SLX4IP: variants seen among roughly 807,000 people sequenced by gnomAD.
SLX4IP encodes the protein SLX4 interacting protein.
SLX4IP carries 34 observed loss-of-function variants against 32.9 expected under a neutral mutation model. The ratio of observed to expected loss-of-function variants is 1.03; its 90% CI spans 0.79 to 1.38. The LOEUF is 1.38. SLX4IP is among the 40% of genes most tolerant of loss of function. The pLI is 0.00. For missense variants in SLX4IP, 444 were observed against 479.0 expected, an observed-to-expected ratio of 0.93 and a Z score of 0.68; for synonymous variants, 172 against 171.7, an observed-to-expected ratio of 1.00 and a Z score of -0.01.
At chr20:10,460,956 G>A (rs769628820) in intron 2 of SLX4IP, among the ~76,000 whole-genome samples, 14 of 151,948 alleles carry the variant, frequency 9.2e-5, no homozygotes, top group Non-Finnish European at 1.5e-5. Context: ...TTCTGGCTTG[G>A]GATAAAATGT....
At chr20:10,438,517 A>T (rs2065134947) in intron 1 of SLX4IP, among the ~76,000 whole-genome samples, 1 of 123,850 alleles carries the variant, frequency 8.1e-6, no homozygotes, top group Non-Finnish European at 1.6e-5. Flanking sequence ...TCCCTCTGTC[A>T]CCTGGACTAG....
At chr20:10,442,603 C>T (rs1310177709) in intron 1 of SLX4IP, among the ~76,000 whole-genome samples, 1 of 152,128 alleles carries the variant, frequency 6.6e-6, no homozygotes, top group East Asian at 1.9e-4. Flanking sequence ...TTGGGTTGTC[C>T]TACACTTCTT....
intron 1 of SLX4IP, among the ~76,000 whole-genome samples, chr20:10,451,663 A>G (rs1600884552): frequency 6.6e-6 from 1 of 152,080 alleles, no homozygotes; most frequent in Non-Finnish European, 1.5e-5. Context: ...CATGTTGGCT[A>G]TATCAGGTTA....
At chr20:10,538,953 G>C (rs1340299313) in intron 2 of SLX4IP, among the ~76,000 whole-genome samples, 1 of 152,220 alleles carries the variant, frequency 6.6e-6, no homozygotes, top group Non-Finnish European at 1.5e-5. Context: ...TGGGGAATAA[G>C]TTTCCTGTTG....
intron 2 of SLX4IP, among the ~76,000 whole-genome samples, chr20:10,540,155 C>A (rs2066090586): frequency 6.7e-6 from 1 of 149,238 alleles, no homozygotes; most frequent in Non-Finnish European, 1.5e-5. Flanking sequence ...TTCCTTCCTT[C>A]CTTCTCTCCT....
At chr20:10,458,312 G>A in intron 2 of SLX4IP, 81 bp downstream of exon 2, 1 of 1,380,338 alleles carries the variant, frequency 7.2e-7, no homozygotes, top group South Asian at 1.4e-5. Flanking sequence ...TGAAAATCGA[G>A]GTTCCTAACT....
chr20:10,529,539 C>T (rs1464380226), intron 2 of SLX4IP, among the ~76,000 whole-genome samples: 1 of 126,406 alleles, frequency 7.9e-6, no homozygotes, highest in African/African-American at 3.0e-5. Flanking sequence ...TGCAGTGAGC[C>T]GATATTGTAC....
At chr20:10,492,142 C>T (rs684905) in intron 2 of SLX4IP, among the ~76,000 whole-genome samples, 59,439 of 151,948 alleles carry the variant, frequency 0.39, 11,851 homozygotes, top group Non-Finnish European at 0.43. Context: ...TTTAAGTTTT[C>T]CCTAATTTTG....
At chr20:10,436,065 T>G (rs976615895) in intron 1 of SLX4IP, among the ~76,000 whole-genome samples, 3 of 152,188 alleles carry the variant, frequency 2.0e-5, no homozygotes, top group Non-Finnish European at 4.4e-5. Context: ...GTTTTTAATT[T>G]TTTTGGCCGG....
intron 5 of SLX4IP, 138 bp downstream of exon 5, chr20:10,598,890 G>A (rs569735691): frequency 3.4e-5 from 28 of 816,842 alleles, no homozygotes; most frequent in African/African-American, 1.0e-4. Flanking sequence ...GAAAGTTTGC[G>A]ATTTCTTTCC....
intron 2 of SLX4IP, among the ~76,000 whole-genome samples, chr20:10,538,471 C>A (rs188135436): frequency 6.6e-6 from 1 of 152,148 alleles, no homozygotes; most frequent in African/African-American, 2.4e-5. Flanking sequence ...AGCAAAATCA[C>A]CTCTTGATTA....
chr20:10,576,187 A>G (rs933696526), intron 4 of SLX4IP, among the ~76,000 whole-genome samples: 5 of 152,230 alleles, frequency 3.3e-5, no homozygotes, highest in African/African-American at 9.6e-5. Context: ...TCAGTTGTTC[A>G]TGATCAAAAT....
At chr20:10,578,987 T>C (rs990668674) in intron 4 of SLX4IP, among the ~76,000 whole-genome samples, 1 of 152,194 alleles carries the variant, frequency 6.6e-6, no homozygotes, top group Non-Finnish European at 1.5e-5. Context: ...ATCAGCTATA[T>C]GATTTATAAC....
chr20:10,595,710 T>G (rs144368906), intron 4 of SLX4IP, among the ~76,000 whole-genome samples: 28 of 152,342 alleles, frequency 1.8e-4, no homozygotes, highest in African/African-American at 6.5e-4. Flanking sequence ...GCAGTATGTT[T>G]CAAGCAGCAA....
chr20:10,570,425 G>A (rs747518821), intron 4 of SLX4IP, among the ~76,000 whole-genome samples: 1 of 152,156 alleles, frequency 6.6e-6, no homozygotes, highest in Admixed American at 6.5e-5. Flanking sequence ...GGGATCACCG[G>A]GCACAGGCTG....
At chr20:10,568,858 A>G (rs1403112620) in intron 4 of SLX4IP, among the ~76,000 whole-genome samples, 1 of 152,208 alleles carries the variant, frequency 6.6e-6, no homozygotes, top group Non-Finnish European at 1.5e-5. Context: ...GCCCTTCGTG[A>G]GATGAATTTA....
intron 4 of SLX4IP, among the ~76,000 whole-genome samples, chr20:10,572,723 T>C (rs956795001): frequency 3.3e-5 from 5 of 152,246 alleles, no homozygotes; most frequent in African/African-American, 1.2e-4. Flanking sequence ...GGCCTGCTTT[T>C]TGGCATTTCT....
At chr20:10,570,931 G>C (rs936194562) in intron 4 of SLX4IP, among the ~76,000 whole-genome samples, 1 of 152,212 alleles carries the variant, frequency 6.6e-6, no homozygotes, top group Non-Finnish European at 1.5e-5. Flanking sequence ...CTGGGTTCAA[G>C]TGATTCTCCC....
Position 10,626,190 on chromosome 20 carries a change from ATTTTTTTTTT to A in SLX4IP, c.*2827_*2836del. The A allele has an allele frequency of 1.3e-5, 1 of 77,056 alleles. No individual in the cohort carries two copies. The highest frequency in any genetic ancestry group is 1.8e-4 in the Admixed American group (1 of 5,454). The allele number at this position is 77,056 out of a possible 1,614,324, so 4.8% of individuals were successfully genotyped here. A position where few individuals can be genotyped will look rare whatever the true frequency, so the allele number is the denominator to read the frequency against. On this transcript the variant is annotated 3_prime_UTR_variant, in exon 8 of 8. Coordinates refer to ENST00000334534, the MANE Select transcript of SLX4IP (RefSeq NM_001009608.3). ...CCACCACGCCCGGCTAATTTTTTGT[ATTTTTTTTTT>A]TTTTTTTTTTTTTTTAGCAGAAACG... is the stretch of plus-strand genomic sequence containing the variant.
Sources: gnomAD v4.1 joint callset for allele counts (sites outside exome capture counted in the v4.1 genomes callset) on GRCh38, gnomAD v4.1.1 for gene constraint, MANE v1.5 for transcripts, NCBI Gene and HGNC (gene_info 2026-07-23, HGNC 2026-07-21) for gene names.